Variants in ANO10 observed in about 807,000 individuals in gnomAD.
ANO10 encodes the protein anoctamin-10.
Under a neutral mutation model 74.7 loss-of-function variants are expected in ANO10, and 77 were observed. That is an observed-to-expected ratio of 1.03 (90% CI 0.86 to 1.25). ANO10 has a LOEUF of 1.25. Ranked by LOEUF, ANO10 falls within the 50% of genes most tolerant of loss-of-function variation. The probability of loss-of-function intolerance (pLI) is 0.00; values close to 1 mark genes in which losing one functional copy is unlikely to be tolerated. For missense variants in ANO10, 721 were observed against 778.1 expected (o/e 0.93, Z 0.87); for synonymous variants, 279 against 284.9 (o/e 0.98, Z 0.21).
chr3:43,437,687 G>A (rs181263436), intron 11 of ANO10, among the ~76,000 whole-genome samples: 7 of 152,180 alleles, frequency 4.6e-5, no homozygotes, highest in Non-Finnish European at 8.8e-5. Flanking sequence ...CTTTTTAATC[G>A]GGAAATTAGA....
At chr3:43,639,787 AAAAG>A (rs1245184065) in intron 1 of ANO10, among the ~76,000 whole-genome samples, 3 of 152,236 alleles carry the variant, frequency 2.0e-5, no homozygotes, top group South Asian at 2.1e-4. Flanking sequence ...AAAAAAAAAA[AAAAG>A]AAAGAAAGAA....
intron 12 of ANO10, among the ~76,000 whole-genome samples, chr3:43,423,379 CAG>C (rs2092849032): frequency 6.6e-6 from 1 of 152,172 alleles, no homozygotes; most frequent in Non-Finnish European, 1.5e-5. Flanking sequence ...GATATTTATT[CAG>C]AGTCTATTGG....
At chr3:43,434,594 C>T (rs2093038911) in intron 11 of ANO10, among the ~76,000 whole-genome samples, 1 of 152,184 alleles carries the variant, frequency 6.6e-6, no homozygotes, top group Non-Finnish European at 1.5e-5. Flanking sequence ...CTTTCCATCT[C>T]TCCTAATAAA....
At chr3:43,386,313 G>A (rs1304672656) in intron 12 of ANO10, among the ~76,000 whole-genome samples, 1 of 151,950 alleles carries the variant, frequency 6.6e-6, no homozygotes, top group African/African-American at 2.4e-5. Context: ...AAAGGAGGGA[G>A]AGGAGCAAGG....
intron 1 of ANO10, among the ~76,000 whole-genome samples, chr3:43,631,830 C>A (rs1328383457): frequency 6.6e-6 from 1 of 151,488 alleles, no homozygotes; most frequent in South Asian, 2.1e-4. Flanking sequence ...CACCTGTAAT[C>A]CCAGCACTTT....
intron 11 of ANO10, among the ~76,000 whole-genome samples, chr3:43,478,617 GTCC>G (rs1478306202): frequency 6.6e-6 from 1 of 152,182 alleles, no homozygotes; most frequent in Non-Finnish European, 1.5e-5. Context: ...AACACAGGCT[GTCC>G]TCCTAGTGGG....
At chr3:43,627,069 T>C (rs1215724864) in intron 1 of ANO10, among the ~76,000 whole-genome samples, 1 of 152,186 alleles carries the variant, frequency 6.6e-6, no homozygotes, top group African/African-American at 2.4e-5. Context: ...TAATTTTTCT[T>C]CTGTATGCTT....
intron 1 of ANO10, among the ~76,000 whole-genome samples, chr3:43,649,403 A>T (rs1559384539): frequency 6.6e-6 from 1 of 152,196 alleles, no homozygotes; most frequent in Non-Finnish European, 1.5e-5. Flanking sequence ...GTTTCCACTC[A>T]TGAGATTCCA....
chr3:43,588,065 TC>T (rs2081558067), intron 4 of ANO10, among the ~76,000 whole-genome samples: 1 of 152,166 alleles, frequency 6.6e-6, no homozygotes, highest in African/African-American at 2.4e-5. Flanking sequence ...CCAGATGGTT[TC>T]ATATAGAAAT....
Position 43,576,666 on chromosome 3 carries a change from C to T in ANO10, c.1162+26G>A, listed in dbSNP as rs187964933. Reference sequence around the variant, plus strand: ...CAACATTTCTTACAGGCAAGTAAGACGTGAATATAAAGCCTCAAGTCTTAC... The same window carrying T: ...CAACATTTCTTACAGGCAAGTAAGATGTGAATATAAAGCCTCAAGTCTTAC... On this transcript the variant is annotated intron_variant, in intron 6 of 12. Transcript: ENST00000292246. The T allele has an allele frequency of 1.0e-4, 166 of 1,609,880 alleles. 1 individual carries two copies. In the East Asian group the frequency reaches 2.1e-3, roughly 21 times the overall value.
intron 11 of ANO10, among the ~76,000 whole-genome samples, chr3:43,452,932 A>G (rs2074943762): frequency 6.6e-6 from 1 of 152,208 alleles, no homozygotes; most frequent in African/African-American, 2.4e-5. Flanking sequence ...CCTGATGGCT[A>G]ATGATGTAAA....
chr3:43,664,360 C>T (rs1460774905), intron 1 of ANO10, among the ~76,000 whole-genome samples: 1 of 152,098 alleles, frequency 6.6e-6, no homozygotes, highest in Non-Finnish European at 1.5e-5. Context: ...CCCTTCCTTA[C>T]ACCTTATATA....
intron 11 of ANO10, among the ~76,000 whole-genome samples, chr3:43,525,460 C>T (rs775405178): frequency 1.3e-5 from 2 of 152,188 alleles, no homozygotes; most frequent in Non-Finnish European, 2.9e-5. Context: ...CTAGATAAAG[C>T]TCCAGTGCCA....
intron 11 of ANO10, among the ~76,000 whole-genome samples, chr3:43,452,060 T>C (rs548025391): frequency 1.3e-5 from 2 of 152,332 alleles, no homozygotes; most frequent in Admixed American, 1.3e-4. Flanking sequence ...AAATAGGCCA[T>C]AGAACAATTC....
intron 1 of ANO10, among the ~76,000 whole-genome samples, chr3:43,610,231 C>T (rs1163861144): frequency 3.3e-5 from 5 of 152,162 alleles, no homozygotes; most frequent in African/African-American, 9.7e-5. Flanking sequence ...TCCACCTCCA[C>T]GTCTTGTCTC....
intron 1 of ANO10, among the ~76,000 whole-genome samples, chr3:43,645,067 A>G (rs947205299): frequency 6.6e-6 from 1 of 152,240 alleles, no homozygotes; most frequent in East Asian, 1.9e-4. Context: ...AAAAATTTAC[A>G]AAGCCAATAA....
rs577109592 is a variant in ANO10, at chr3:43,535,324, G to A, written c.1797+14396C>T. Among the ~76,000 whole-genome samples the A allele has an allele frequency of 4.2e-5, 6 of 141,712 alleles. No individual in the cohort carries two copies. In the South Asian group the frequency reaches 6.7e-4, roughly 16 times the overall value. The allele number at this position is 141,712 out of a possible 152,430, so 93.0% of individuals were successfully genotyped here. ...AGAGGTCTCGCTCTGTCACCAGGCT[G>A]GAGTACAATGGTGCCATCTTGGCTC... is the stretch of plus-strand genomic sequence containing the variant. On this transcript the variant is annotated intron_variant, in intron 11 of 12. Transcript: ENST00000292246.
At position 43,690,962 on chromosome 3, in the gene ANO10, G is replaced by A. The variant is rs765153342; in HGVS notation, c.-12+555C>T. 1.2e-5 allele frequency: 19 copies of A among 1,558,354 alleles called. No individual in the cohort carries two copies. The African/African-American group carries it at 1.3e-4, about 10-fold the overall frequency. ...CAGTCGGCCTGTCAGCCGGCTTCGAGATAAGTCCCGGCGCTTGCGCGGCGG... is the reference window on the plus strand; with the variant it reads ...CAGTCGGCCTGTCAGCCGGCTTCGAAATAAGTCCCGGCGCTTGCGCGGCGG... On this transcript the variant is annotated intron_variant, in intron 1 of 3. Transcript: ENST00000413397.
At chr3:43,470,614 TTATTTATTTATTTATG>T (rs1417784149) in intron 11 of ANO10, among the ~76,000 whole-genome samples, 2 of 148,702 alleles carry the variant, frequency 1.3e-5, no homozygotes, top group Admixed American at 7.0e-5. Context: ...ATTTATTTAT[TTATTTATTTATTTATG>T]TATTTATTTA....
Sources: gnomAD v4.1 joint callset for allele counts (sites outside exome capture counted in the v4.1 genomes callset) on GRCh38, gnomAD v4.1.1 for gene constraint, MANE v1.5 for transcripts, NCBI Gene and HGNC (gene_info 2026-07-23, HGNC 2026-07-21) for gene names.